Variants in SORL1 observed in about 807,000 individuals in gnomAD.
SORL1 encodes the protein sortilin-related receptor.
SORL1 carries 127 observed loss-of-function variants against 273.7 expected under a neutral mutation model. The ratio of observed to expected loss-of-function variants is 0.46; its 90% confidence interval spans 0.40 to 0.54. The LOEUF (loss-of-function observed/expected upper bound fraction) is 0.54. SORL1 is among the 20% of genes least tolerant of loss of function. The probability of loss-of-function intolerance (pLI) is 0.00; values close to 1 mark genes in which losing one functional copy is unlikely to be tolerated. For missense variants in SORL1, 2,494 were observed against 2,846.1 expected, an observed-to-expected ratio of 0.88 and a Z score of 2.81; for synonymous variants, 1,031 against 1,067.4, an observed-to-expected ratio of 0.97 and a Z score of 0.66.
chr11:121,533,035 A>G lies in SORL1; in HGVS notation c.1685+483A>G, dbSNP rs187036960. On this transcript the variant is annotated intron_variant, in intron 12 of 47. Transcript: ENST00000260197. ...GGGAATATAAGAACCTGTCCTTTCT[A>G]TCACAAAGGGAGATTGTGAGCAAGA... is the stretch of plus-strand genomic sequence containing the variant. Among the ~76,000 whole-genome samples the G allele has an allele frequency of 5.9e-5, 9 of 152,234 alleles. No individual in the cohort carries two copies. In the South Asian group the frequency reaches 8.3e-4, roughly 14 times the overall value.
At position 121,611,163 on chromosome 11, in the gene SORL1, T is replaced by C. The variant is rs745730720; in HGVS notation, c.5322+5T>C. 21 of 1,596,490 alleles carry C rather than the reference T, an allele frequency of 1.3e-5. No homozygotes were observed. Among genetic ancestry groups the C allele is most frequent in the African/African-American group, 6.7e-5 (5 of 74,568 alleles). On this transcript the variant is annotated splice_donor_5th_base_variant and intron_variant, in intron 39 of 47. Transcript: ENST00000260197. ...ACCATGGAGAGTGATATCAAGGTAA[T>C]GTGGGAATTTCAAGCCAGCAGCTGG...
rs566582399 is a variant in SORL1, at chr11:121,629,691, CA to C, written c.*142del. On this transcript the variant is annotated 3_prime_UTR_variant, in exon 48 of 48. Transcript: ENST00000260197. ...TTTTATATGGGCCAAAAACAAAAAA[CA>C]AAAAAAAAAAAAAGGAAAGAAAGGA... 68,927 of 387,582 alleles carry C rather than the reference CA, an allele frequency of 0.18. 24 individuals carry two copies. The highest frequency in any genetic ancestry group is 0.23 in the East Asian group (5,478 of 24,092). The allele number at this position is 387,582 out of a possible 1,614,324, so 24.0% of individuals were successfully genotyped here.
intron 1 of SORL1, among the ~76,000 whole-genome samples, chr11:121,463,054 G>A (rs1861026807): frequency 6.6e-6 from 1 of 152,146 alleles, no homozygotes; most frequent in African/African-American, 2.4e-5. Context: ...CTCACGTAGG[G>A]CAAGTCCTGG....
chr11:121,462,560 C>A (rs983586008), intron 1 of SORL1, among the ~76,000 whole-genome samples: 25 of 152,124 alleles, frequency 1.6e-4, no homozygotes, highest in African/African-American at 6.0e-4. Context: ...AGCTATGAGG[C>A]AGGACCTAGA....
At chr11:121,496,811 C>T in intron 5 of SORL1, 58 bp from the exon 6 acceptor site, 1 of 1,472,774 alleles carries the variant, frequency 6.8e-7, no homozygotes, top group South Asian at 1.3e-5. Flanking sequence ...GCAAAACTTC[C>T]ATGCCTCTAG....
intron 21 of SORL1, among the ~76,000 whole-genome samples, chr11:121,561,472 C>A (rs1483670047): frequency 1.3e-5 from 2 of 152,060 alleles, no homozygotes; most frequent in Non-Finnish European, 2.9e-5. Flanking sequence ...TTAAGTTAGC[C>A]AGAGTCATTT....
rs765143661 is a variant in SORL1, at chr11:121,522,903, T to C, written c.1523-13T>C. The C allele has an allele frequency of 3.7e-6, 6 of 1,605,080 alleles. No individual in the cohort carries two copies. In the Admixed American group the frequency reaches 1.0e-4, roughly 27 times the overall value. On this transcript the variant is annotated splice_polypyrimidine_tract_variant and intron_variant, in intron 10 of 47. Transcript: ENST00000260197. ...TCTTGAAATTAAAAATAATTATTTC[T>C]CTTGCATTTTAGGCTCAGTGGGAAA... is the stretch of plus-strand genomic sequence containing the variant.
At chr11:121,454,472 C>T (rs539551730) in intron 1 of SORL1, among the ~76,000 whole-genome samples, 2 of 152,308 alleles carry the variant, frequency 1.3e-5, no homozygotes, top group African/African-American at 4.8e-5. Flanking sequence ...GGAGTGACTC[C>T]CAAACCCTGG....
At chr11:121,502,431 C>T (rs571327258) in intron 6 of SORL1, among the ~76,000 whole-genome samples, 27 of 152,230 alleles carry the variant, frequency 1.8e-4, no homozygotes, top group Admixed American at 9.8e-4. Context: ...CCACCATGCC[C>T]GGCCGACAAT....
intron 8 of SORL1, among the ~76,000 whole-genome samples, chr11:121,515,648 TTTTGTTTG>T (rs1415033045): frequency 6.6e-6 from 1 of 152,092 alleles, no homozygotes; most frequent in Non-Finnish European, 1.5e-5. Flanking sequence ...TTTTTGTTGT[TTTTGTTTG>T]TTTGTTTGTT....
chr11:121,624,610 T>C (rs1863767790), intron 45 of SORL1, among the ~76,000 whole-genome samples: 1 of 152,250 alleles, frequency 6.6e-6, no homozygotes, highest in Admixed American at 6.5e-5. Flanking sequence ...AGGTCATTCC[T>C]ACATATTGTT....
intron 19 of SORL1, 114 bp from the exon 20 acceptor site, chr11:121,558,477 T>C: frequency 1.8e-6 from 2 of 1,097,072 alleles, no homozygotes; most frequent in South Asian, 1.4e-5. Flanking sequence ...ATAATAATGC[T>C]GAAATAACCA....
intron 16 of SORL1, among the ~76,000 whole-genome samples, chr11:121,553,065 C>T (rs1199444285): frequency 2.6e-5 from 4 of 152,218 alleles, no homozygotes; most frequent in Non-Finnish European, 4.4e-5. Flanking sequence ...TCTTAAAAAT[C>T]ATCCACGGTA....
At chr11:121,500,383 T>C (rs1430358699) in intron 6 of SORL1, among the ~76,000 whole-genome samples, 1 of 152,206 alleles carries the variant, frequency 6.6e-6, no homozygotes, top group African/African-American at 2.4e-5. Context: ...GTCTCTTCTG[T>C]GACCTTACAG....
chr11:121,617,876 G>A (rs1016629564), intron 41 of SORL1, among the ~76,000 whole-genome samples: 3 of 152,174 alleles, frequency 2.0e-5, no homozygotes, highest in African/African-American at 4.8e-5. Flanking sequence ...CAGTGGCTTC[G>A]AACAGTTTAT....
rs1197641156 is a variant in SORL1, at chr11:121,574,347, T to C, written c.3444T>C (p.Ser1148=). 1.9e-6 allele frequency: 3 copies of C among 1,613,564 alleles called. No homozygotes were observed. Among genetic ancestry groups the C allele is most frequent in the Non-Finnish European group, 1.7e-6 (2 of 1,179,508 alleles). The change falls in exon 24 of 48, where the codon AGT becomes AGC. Residue 1148 remains serine, a synonymous_variant. Coordinates refer to ENST00000260197, the MANE Select transcript of SORL1 (RefSeq NM_003105.6). ...CDLEDDCGDN[S]DESHCEMHQC... ...TTGAGGATGACTGTGGAGACAACAG[T>C]GATGAAAGTCATTGTGGTAAGGGGA...
chr11:121,589,245 T>C lies in SORL1; in HGVS notation c.3947-14T>C. 6.2e-7 allele frequency: 1 copy of C among 1,612,330 alleles called. No individual in the cohort carries two copies. Among genetic ancestry groups the C allele is most frequent in the Non-Finnish European group, 8.5e-7 (1 of 1,178,512 alleles). On this transcript the variant is annotated splice_polypyrimidine_tract_variant and intron_variant, in intron 28 of 47. Coordinates refer to ENST00000260197, the MANE Select transcript of SORL1 (RefSeq NM_003105.6). ...GAAGTTCCTGGACTTCATGGATGTTTGTTCCCTCTGTAGCCCAAGATCCTG... is the reference window on the plus strand; with the variant it reads ...GAAGTTCCTGGACTTCATGGATGTTCGTTCCCTCTGTAGCCCAAGATCCTG...
chr11:121,549,349 A>G (rs139767512), intron 14 of SORL1, among the ~76,000 whole-genome samples: 4,710 of 152,182 alleles, frequency 0.031, 177 homozygotes, highest in East Asian at 0.2. Context: ...CAGCCTCCCA[A>G]GTAGCTGGGA....
intron 23 of SORL1, 115 bp downstream of exon 23, chr11:121,570,385 C>T: frequency 1.5e-6 from 1 of 646,860 alleles, no homozygotes; most frequent in Non-Finnish European, 2.8e-6. Context: ...TGGTGATGCC[C>T]ATCTAAGTTG....
Sources: allele counts gnomAD v4.1 joint callset (sites outside exome capture counted in the v4.1 genomes callset), GRCh38; gene constraint gnomAD v4.1.1; transcripts MANE v1.5; gene names NCBI Gene and HGNC (gene_info 2026-07-23, HGNC 2026-07-21).